Variants in DNMT3L observed in about 807,000 individuals in gnomAD.
DNMT3L encodes the protein DNA (cytosine-5)-methyltransferase 3-like.
In DNMT3L, 33 loss-of-function variants were observed where a neutral mutation model predicts 36.2. The ratio of observed to expected loss-of-function variants is 0.91; its 90% CI spans 0.69 to 1.22. The LOEUF is 1.22. Ranked by LOEUF, DNMT3L falls within the 50% of genes most tolerant of loss-of-function variation. DNMT3L has a pLI of 0.00. For missense variants in DNMT3L, 310 were observed against 303.1 expected (o/e 1.02, Z -0.17); for synonymous variants, 117 against 121.7 (o/e 0.96, Z 0.26).
In DNMT3L at chr21:44,258,457, A is replaced by C; in HGVS notation, c.516+66T>G. 6.8e-7 allele frequency: 1 copy of C among 1,475,150 alleles called. No homozygotes were observed. The highest frequency in any genetic ancestry group is 9.0e-7 in the Non-Finnish European group (1 of 1,106,972). 91.4% of individuals were successfully genotyped at this position (1,475,150 alleles called of 1,614,324 possible). A position where few individuals can be genotyped will look rare whatever the true frequency, so the allele number is the denominator to read the frequency against. On this transcript the variant is annotated intron_variant, in intron 6 of 11. Transcript: ENST00000628202. The surrounding 1 kb of genome is among the most constrained non-coding windows in gnomAD (Gnocchi z 6.2). ...CGGCGCGCCTGCATTCTGCAGCGGGAACCGAGGGAAGGCCGTAAGTCAGGG... is the reference window on the plus strand; with the variant it reads ...CGGCGCGCCTGCATTCTGCAGCGGGCACCGAGGGAAGGCCGTAAGTCAGGG...
intron 6 of DNMT3L, among the ~76,000 whole-genome samples, chr21:44,257,371 C>T (rs891491291): frequency 1.8e-4 from 27 of 151,764 alleles, no homozygotes; most frequent in African/African-American, 6.3e-4. Context: ...GAGCAAAACT[C>T]CATCTCAAAA....
Position 44,258,538 on chromosome 21 carries a change from G to C in DNMT3L, c.501C>G (p.Phe167Leu), listed in dbSNP as rs1230120850. The stretch of plus-strand genomic sequence containing the variant: ...GGCTCCTTACCGACTCTCGGTCGTA[G>C]AAGGCCTTGAGCTGGCTGCGCCACT... Reference protein sequence around the residue: ...RRKWRSQLKAFYDRESENPLE... With the variant: ...RRKWRSQLKALYDRESENPLE... Residue 167 changes from phenylalanine (F) to leucine (L), a missense_variant, in exon 6 of 12, where the codon TTC becomes TTG. Phe to Leu is a conservative substitution (Grantham distance 22, BLOSUM62 0). Coordinates refer to ENST00000628202, the MANE Select transcript of DNMT3L (RefSeq NM_175867.3). The surrounding 1 kb of genome is among the most constrained non-coding windows in gnomAD (Gnocchi z 6.2). 1.3e-6 allele frequency: 2 copies of C among 1,581,036 alleles called. No homozygotes were observed. The highest frequency in any genetic ancestry group is 1.8e-5 in the Admixed American group (1 of 55,028).
At position 44,257,613 on chromosome 21, in the gene DNMT3L, G is replaced by A. The variant is rs1312880914; in HGVS notation, c.516+910C>T. ...GGAGAATGGCGTGAACCTGGGAGGC[G>A]GAGCTTGCAGTGAGCCGAGATCCCG... On this transcript the variant is annotated intron_variant, in intron 6 of 11. Coordinates refer to ENST00000628202, the MANE Select transcript of DNMT3L (RefSeq NM_175867.3). Among the ~76,000 whole-genome samples, 20 of 148,456 alleles carry A rather than the reference G, an allele frequency of 1.3e-4. 1 individual carries two copies. Among genetic ancestry groups the A allele is most frequent in the Admixed American group, 6.7e-4 (10 of 15,020 alleles).
At chr21:44,261,044 CG>C in intron 2 of DNMT3L, 109 bp downstream of exon 2, 1 of 1,433,736 alleles carries the variant, frequency 7.0e-7, no homozygotes, top group Non-Finnish European at 9.6e-7. Flanking sequence ...TGCCCCAGCC[CG>C]GGTGCCTGAA....
At chr21:44,254,512 G>T in intron 8 of DNMT3L, 105 bp downstream of exon 8, 1 of 1,308,720 alleles carries the variant, frequency 7.6e-7, no homozygotes, top group Non-Finnish European at 1.1e-6. Flanking sequence ...ACTCCTCCCA[G>T]CCCCTGCTGC....
Position 44,259,516 on chromosome 21 carries a change from C to T in DNMT3L, c.265G>A (p.Asp89Asn), listed in dbSNP as rs147370440. ...KFLDALFLYDDDGYQSYCSIC... is the reference protein window; with the variant it reads ...KFLDALFLYDNDGYQSYCSIC... Reference sequence around the variant, plus strand: ...GAGCAGTAGGATTGGTACCCGTCATCGTCGTACAGGAAGAGGGCATCCAGG... The same window carrying T: ...GAGCAGTAGGATTGGTACCCGTCATTGTCGTACAGGAAGAGGGCATCCAGG... The change falls in exon 5 of 12, where the codon GAT becomes AAT. Residue 89 changes from aspartate to asparagine, a missense_variant. By Grantham distance (23) the Asp-to-Asn change is conservative (BLOSUM62 1). Transcript: ENST00000628202. 506 of 1,613,720 alleles carry T rather than the reference C, an allele frequency of 3.1e-4. 1 individual carries two copies. Among genetic ancestry groups the T allele is most frequent in the Non-Finnish European group, 3.8e-4 (449 of 1,180,014 alleles).
chr21:44,258,739 C>A lies in DNMT3L; in HGVS notation c.345-45G>T, dbSNP rs766600598. On this transcript the variant is annotated intron_variant, in intron 5 of 11. Transcript: ENST00000628202. The surrounding 1 kb of genome is among the most constrained non-coding windows in gnomAD (Gnocchi z 6.2). The stretch of plus-strand genomic sequence containing the variant: ...CACAGCAGCGGACATGACAGCCCAC[C>A]TCTCCTGAGGATGGCAGAGGTGGGC... 12 of 1,595,446 alleles carry A rather than the reference C, an allele frequency of 7.5e-6. No individual in the cohort carries two copies. Among genetic ancestry groups the A allele is most frequent in the Admixed American group, 3.4e-5 (2 of 59,014 alleles).
At chr21:44,257,636 C>A (rs1434182324) in intron 6 of DNMT3L, among the ~76,000 whole-genome samples, 3 of 146,070 alleles carry the variant, frequency 2.1e-5, no homozygotes, top group East Asian at 3.9e-4. Flanking sequence ...AGCCGAGATC[C>A]CGCCACTGCA....
rs773397691 is a variant in DNMT3L at position 44,254,645 on chromosome 21, A to T, written c.665T>A (p.Val222Asp). The change falls in exon 8 of 12, where the codon GTT (valine) becomes GAT (aspartate). Residue 222 changes from valine to aspartate, a missense_variant. Val to Asp is a radical substitution (Grantham distance 152, BLOSUM62 -3). Coordinates refer to ENST00000628202, the MANE Select transcript of DNMT3L (RefSeq NM_175867.3). The stretch of plus-strand genomic sequence containing the variant: ...CTTCCTCACTGTGTCTGTGACATCA[A>T]CCACATGCTTCAGTTGTCCCGGGTC... Reference protein sequence around the residue: ...GSDPGQLKHVVDVTDTVRKDV... With the variant: ...GSDPGQLKHVDDVTDTVRKDV... 3 of 1,614,014 alleles carry T rather than the reference A, an allele frequency of 1.9e-6. No homozygotes were observed. In the East Asian group the frequency reaches 6.7e-5, roughly 36 times the overall value.
intron 3 of DNMT3L, among the ~76,000 whole-genome samples, chr21:44,260,221 G>C (rs780062868): frequency 6.6e-6 from 1 of 152,090 alleles, no homozygotes; most frequent in Admixed American, 6.6e-5. Flanking sequence ...GCAAACCCAC[G>C]TTGAGAGAAA....
chr21:44,256,252 C>T (rs184673535), intron 6 of DNMT3L, 98 bp from the exon 7 acceptor site: 27 of 1,220,940 alleles, frequency 2.2e-5, no homozygotes, highest in Admixed American at 2.1e-4. Context: ...AACACTCACT[C>T]GAGACTCACC....
chr21:44,256,050 G>C lies in DNMT3L; in HGVS notation c.604+17C>G. On this transcript the variant is annotated intron_variant, in intron 7 of 11. Transcript: ENST00000628202. The stretch of plus-strand genomic sequence containing the variant: ...AGGCATCTTTCCATGTGTGTCTTTG[G>C]GACATCACTGACTCACCTTTCTTGA... The C allele has an allele frequency of 6.2e-7, 1 of 1,613,164 alleles. No individual in the cohort carries two copies. The highest frequency in any genetic ancestry group is 8.5e-7 in the Non-Finnish European group (1 of 1,179,540).
Position 44,261,142 on chromosome 21 carries a change from A to T in DNMT3L, c.106+12T>A. ...CCTAAGTGACTGGTCCAATAAGCAG[A>T]TGAGCCCTCACCTCTGCCTGTCCCG... On this transcript the variant is annotated intron_variant, in intron 2 of 11. Transcript: ENST00000628202. 6.2e-7 allele frequency: 1 copy of T among 1,612,386 alleles called. No homozygotes were observed. The highest frequency in any genetic ancestry group is 1.1e-5 in the South Asian group (1 of 91,064).
Position 44,257,115 on chromosome 21 carries a change from C to T in DNMT3L, c.517-961G>A, listed in dbSNP as rs181784115. ...ACTGGAGGGGCTGGGCCCGGTGGCT[C>T]ATGCCTGTCATCCCAGCATTTTGGG... On this transcript the variant is annotated intron_variant, in intron 6 of 11. Coordinates refer to ENST00000628202, the MANE Select transcript of DNMT3L (RefSeq NM_175867.3). 3.6e-3 allele frequency among the ~76,000 whole-genome samples: 554 copies of T among 152,334 alleles called. 3 individuals carry two copies. The highest frequency in any genetic ancestry group is 0.013 in the African/African-American group (538 of 41,574).
intron 3 of DNMT3L, among the ~76,000 whole-genome samples, chr21:44,260,008 C>T (rs1035284866): frequency 1.4e-5 from 2 of 145,846 alleles, no homozygotes; most frequent in Non-Finnish European, 3.0e-5. Context: ...AAGATCATGC[C>T]TCTGCACTCC....
chr21:44,256,076 T>C lies in DNMT3L; in HGVS notation c.595A>G (p.Ile199Val). ...GACATCACTGACTCACCTTTCTTGA[T>C]GTCTTCAAAAAGGGACAGCACCCGG... ...PVRVLSLFED[I>V]KKELTSLGFL... is the part of the protein sequence containing the mutation. The change falls in exon 7 of 12, where the codon ATC (isoleucine) becomes GTC (valine). Residue 199 changes from isoleucine (I) to valine (V), a missense_variant. Physicochemically the swap from Ile to Val is conservative, Grantham distance 29 (BLOSUM62 3). Coordinates refer to ENST00000628202, the MANE Select transcript of DNMT3L (RefSeq NM_175867.3). 1 of 1,613,922 alleles carries C rather than the reference T, an allele frequency of 6.2e-7. No homozygotes were observed. The highest frequency in any genetic ancestry group is 1.7e-5 in the Admixed American group (1 of 60,014).
At chr21:44,259,226 C>G (rs964430682) in intron 5 of DNMT3L, among the ~76,000 whole-genome samples, 1 of 152,178 alleles carries the variant, frequency 6.6e-6, no homozygotes, top group East Asian at 1.9e-4. Flanking sequence ...AATATCAACA[C>G]CGAAAAGAAA....
At chr21:44,253,743 C>A (rs1332242264) in intron 8 of DNMT3L, among the ~76,000 whole-genome samples, 26 of 151,986 alleles carry the variant, frequency 1.7e-4, no homozygotes, top group Non-Finnish European at 4.4e-5. Context: ...AAAAAGCCCC[C>A]CAAAACTTAA....
intron 7 of DNMT3L, 32 bp from the exon 8 acceptor site, chr21:44,254,737 G>A (rs1330661414): frequency 6.2e-7 from 1 of 1,611,772 alleles, no homozygotes; most frequent in Non-Finnish European, 8.5e-7. Flanking sequence ...GGGCCCAGAG[G>A]GTGAGCGTGG....
Sources: gnomAD v4.1 joint callset for allele counts (sites outside exome capture counted in the v4.1 genomes callset) on GRCh38, gnomAD v4.1.1 for gene constraint, Gnocchi (gnomAD v3.1) non-coding constraint, MANE v1.5 for transcripts, NCBI Gene and HGNC (gene_info 2026-07-23, HGNC 2026-07-21) for gene names.